The following DOCK7 variants were observed in gnomAD, a reference collection of about 807,000 sequenced individuals.
DOCK7 encodes the protein dedicator of cytokinesis protein 7.
A neutral mutation model predicts 271.0 loss-of-function variants in DOCK7; 138 were observed. That is an observed-to-expected ratio of 0.51 (90% CI 0.44 to 0.59). The LOEUF is 0.59. Among genes scored for constraint, DOCK7 ranks in the 20% least tolerant of loss-of-function variants. The pLI is 0.00. For synonymous variants in DOCK7, 823 were observed against 876.1 expected (o/e 0.94, Z 1.07); for missense variants, 2,066 against 2,592.4 (o/e 0.80, Z 4.41).
At chr1:62,650,920 T>C (rs1017800844) in intron 4 of DOCK7, among the ~76,000 whole-genome samples, 2 of 152,144 alleles carry the variant, frequency 1.3e-5, no homozygotes, top group East Asian at 1.9e-4. Flanking sequence ...AGAAATACTA[T>C]TTGACCCAGC....
At chr1:62,498,081 T>C (rs568053413) in intron 37 of DOCK7, among the ~76,000 whole-genome samples, 1 of 34,480 alleles carries the variant, frequency 2.9e-5, no homozygotes, top group African/African-American at 5.7e-5. Context: ...GTCTACGAAA[T>C]TTTTTTTTTT....
intron 48 of DOCK7, among the ~76,000 whole-genome samples, chr1:62,461,834 G>C (rs1645537942): frequency 6.6e-6 from 1 of 151,140 alleles, no homozygotes. Context: ...CACCTTGGGA[G>C]GCAGAGGCGG....
At chr1:62,547,150 A>G (rs927959711) in intron 22 of DOCK7, among the ~76,000 whole-genome samples, 12 of 152,164 alleles carry the variant, frequency 7.9e-5, no homozygotes, top group Non-Finnish European at 1.6e-4. Flanking sequence ...GCTATGAATT[A>G]TATTTATATA....
At chr1:62,486,332 T>C (rs537477888) in intron 43 of DOCK7, 1 of 152,208 alleles carries the variant, frequency 6.6e-6, no homozygotes, top group African/African-American at 2.4e-5. Flanking sequence ...AGGTTTTCTA[T>C]TTGGGTCTTA....
chr1:62,550,062 A>T (rs920607760), intron 22 of DOCK7, among the ~76,000 whole-genome samples: 1 of 152,140 alleles, frequency 6.6e-6, no homozygotes, highest in Admixed American at 6.6e-5. Context: ...TTGTTTATCC[A>T]GTCATCTGTT....
intron 21 of DOCK7, among the ~76,000 whole-genome samples, chr1:62,553,805 A>G (rs1338034735): frequency 6.7e-6 from 1 of 149,546 alleles, no homozygotes; most frequent in African/African-American, 2.4e-5. Context: ...ACATACAATA[A>G]AAACCAAAAT....
intron 6 of DOCK7, 132 bp downstream of exon 6, chr1:62,647,974 T>G: frequency 4.6e-6 from 4 of 873,224 alleles, no homozygotes; most frequent in Non-Finnish European, 7.1e-6. Flanking sequence ...TAGTATAAAA[T>G]GTATTCATTT....
In DOCK7 at chr1:62,535,661, A is replaced by C. The variant is rs376287227; in HGVS notation, c.3472-29T>G. On this transcript the variant is annotated intron_variant, in intron 28 of 49. Transcript: ENST00000635253. Reference sequence around the variant, plus strand: ...TTGGAAAGTGAGGCAGAACAAGACTATAACAGCAGTGCAACAAAGCATCCT... The same window carrying C: ...TTGGAAAGTGAGGCAGAACAAGACTCTAACAGCAGTGCAACAAAGCATCCT... The C allele has an allele frequency of 6.2e-6, 10 of 1,605,064 alleles. No homozygotes were observed. The East Asian group carries it at 2.2e-4, about 36-fold the overall frequency.
At chr1:62,606,654 G>C (rs1651041581) in intron 14 of DOCK7, among the ~76,000 whole-genome samples, 1 of 151,674 alleles carries the variant, frequency 6.6e-6, no homozygotes, top group African/African-American at 2.4e-5. Context: ...ACTCTCCATG[G>C]ATTATCCCTT....
chr1:62,518,367 T>C (rs886402068), intron 31 of DOCK7, among the ~76,000 whole-genome samples: 6 of 151,994 alleles, frequency 3.9e-5, no homozygotes, highest in African/African-American at 1.5e-4. Context: ...GTCAGGAGAT[T>C]GAGACTATCC....
rs1644559195 is a variant in DOCK7, at chr1:62,513,435, A to C, written c.4282+9T>G. 6.3e-7 allele frequency: 1 copy of C among 1,583,056 alleles called. No homozygotes were observed. The highest frequency in any genetic ancestry group is 2.0e-5 in the Admixed American group (1 of 51,138). ...ATATACAACTCAAGGAAATTGAAGAAATTCTCACCAGGAGGAGAAGCTATT... is the reference window on the plus strand; with the variant it reads ...ATATACAACTCAAGGAAATTGAAGACATTCTCACCAGGAGGAGAAGCTATT... On this transcript the variant is annotated intron_variant, in intron 33 of 49. Coordinates refer to ENST00000635253, the MANE Select transcript of DOCK7 (RefSeq NM_001367561.1).
At chr1:62,518,868 T>C (rs976490868) in intron 31 of DOCK7, among the ~76,000 whole-genome samples, 2 of 152,038 alleles carry the variant, frequency 1.3e-5, no homozygotes, top group African/African-American at 4.8e-5. Context: ...GTAAATGGAT[T>C]AGAAACTCTA....
chr1:62,472,993 C>G (rs1171429331), intron 48 of DOCK7, among the ~76,000 whole-genome samples: 1 of 152,158 alleles, frequency 6.6e-6, no homozygotes, highest in Non-Finnish European at 1.5e-5. Context: ...CTGGTTTCCT[C>G]CAGATTTCAC....
Position 62,580,257 on chromosome 1 carries a change from T to C in DOCK7, c.1872-1291A>G, listed in dbSNP as rs139033922. Among the ~76,000 whole-genome samples, 7 of 152,286 alleles carry C rather than the reference T, an allele frequency of 4.6e-5. No homozygotes were observed. The East Asian group carries it at 7.7e-4, about 17-fold the overall frequency. On this transcript the variant is annotated intron_variant, in intron 16 of 49. Transcript: ENST00000635253. ...AGGAATATTAAGTAGAACAAGGCTT[T>C]TGATAATAAACAAGAAAGATAGCTA...
At chr1:62,601,029 C>T (rs781219043) in intron 14 of DOCK7, 8 of 1,048,054 alleles carry the variant, frequency 7.6e-6, no homozygotes, top group Non-Finnish European at 1.2e-5. Context: ...CAGATTTCCC[C>T]TAATTGTATA....
At chr1:62,516,390 A>T (rs1644662709) in intron 31 of DOCK7, among the ~76,000 whole-genome samples, 1 of 152,202 alleles carries the variant, frequency 6.6e-6, no homozygotes, top group African/African-American at 2.4e-5. Flanking sequence ...GATTTGAGGG[A>T]CTATTTTCCC....
At chr1:62,475,392 A>G (rs753974333) in intron 46 of DOCK7, 41 bp from the exon 47 acceptor site, 1 of 1,585,584 alleles carries the variant, frequency 6.3e-7, no homozygotes, top group East Asian at 2.3e-5. Context: ...TACTGACTGA[A>G]AACTATTTAA....
chr1:62,570,740 G>C (rs1475679201), intron 18 of DOCK7, among the ~76,000 whole-genome samples: 1 of 152,096 alleles, frequency 6.6e-6, no homozygotes, highest in Admixed American at 6.5e-5. Context: ...AGAGAACTTA[G>C]AAATAAGACC....
chr1:62,579,262 C>A (rs2149485101), intron 16 of DOCK7, among the ~76,000 whole-genome samples: 1 of 152,238 alleles, frequency 6.6e-6, no homozygotes, highest in Non-Finnish European at 1.5e-5. Flanking sequence ...AGATTGGAAG[C>A]TGCATAAAAG....
Sources: allele counts gnomAD v4.1 joint callset (sites outside exome capture counted in the v4.1 genomes callset), GRCh38; gene constraint gnomAD v4.1.1; transcripts MANE v1.5; gene names NCBI Gene and HGNC (gene_info 2026-07-23, HGNC 2026-07-21).